The following DENND5B variants were observed in gnomAD, a reference collection of about 807,000 sequenced individuals.
DENND5B encodes DENN domain containing 5B.
In DENND5B, 34 loss-of-function variants were observed where a neutral mutation model predicts 140.6. The observed-to-expected ratio is 0.24, with a 90% CI of 0.18 to 0.32. The LOEUF (loss-of-function observed/expected upper bound fraction) is 0.32, where lower values mean the gene tolerates loss of function less well. Among genes scored for constraint, DENND5B ranks in the 10% least tolerant of loss-of-function variants. DENND5B has a pLI of 1.00. For missense variants in DENND5B, 1,142 were observed against 1,560.2 expected, an observed-to-expected ratio of 0.73 and a Z score of 4.52; for synonymous variants, 551 against 562.1, an observed-to-expected ratio of 0.98 and a Z score of 0.28.
At chr12:31,476,517 A>T (rs1945817909) in intron 3 of DENND5B, among the ~76,000 whole-genome samples, 1 of 151,916 alleles carries the variant, frequency 6.6e-6, no homozygotes, top group Non-Finnish European at 1.5e-5. Flanking sequence ...ATCCCTATAG[A>T]GATGTGGCAA....
chr12:31,519,512 T>A (rs1460272609), intron 1 of DENND5B, among the ~76,000 whole-genome samples: 2 of 152,240 alleles, frequency 1.3e-5, no homozygotes, highest in African/African-American at 4.8e-5. Flanking sequence ...TGTATCACAT[T>A]CATTTTACAT....
chr12:31,400,776 G>A (rs1272547382), intron 15 of DENND5B, among the ~76,000 whole-genome samples: 1 of 151,234 alleles, frequency 6.6e-6, no homozygotes, highest in Non-Finnish European at 1.5e-5. Context: ...TAGTCACCCT[G>A]CTGTGCTAGC....
Position 31,424,510 on chromosome 12 carries a change from C to T in DENND5B, c.2391+25G>A, listed in dbSNP as rs775618209. Reference sequence around the variant, plus strand: ...TAACAGGGCTCTTAACTGGCCATGTCACCAGGACCTCCTAAAACTGTTACC... The same window carrying T: ...TAACAGGGCTCTTAACTGGCCATGTTACCAGGACCTCCTAAAACTGTTACC... On this transcript the variant is annotated intron_variant, in intron 10 of 20. Coordinates refer to ENST00000389082, the MANE Select transcript of DENND5B (RefSeq NM_144973.4). The T allele has an allele frequency of 3.7e-6, 6 of 1,603,308 alleles. No individual in the cohort carries two copies. In the African/African-American group the frequency reaches 8.0e-5, roughly 21 times the overall value.
Position 31,538,972 on chromosome 12 carries a change from G to T in DENND5B, c.128-43053C>A, listed in dbSNP as rs77157448. 3.1e-3 allele frequency among the ~76,000 whole-genome samples: 405 copies of T among 130,986 alleles called. 3 individuals are homozygous for T. Among genetic ancestry groups the T allele is most frequent in the African/African-American group, 9.4e-3 (324 of 34,498 alleles). The allele number at this position is 130,986 out of a possible 152,430, so 85.9% of individuals were successfully genotyped here. On this transcript the variant is annotated intron_variant, in intron 1 of 20. Coordinates refer to ENST00000389082, the MANE Select transcript of DENND5B (RefSeq NM_144973.4). Reference sequence around the variant, plus strand: ...TGAAACAAAAGGTTTTTTTTTTTTTGAAAAAAAAAATTGACAAACTGCTAG... The same window carrying T: ...TGAAACAAAAGGTTTTTTTTTTTTTTAAAAAAAAAATTGACAAACTGCTAG...
intron 3 of DENND5B, chr12:31,465,749 G>C (rs1945236438): frequency 6.6e-6 from 1 of 152,210 alleles, no homozygotes; most frequent in Non-Finnish European, 1.5e-5. Context: ...TAGTTTCACA[G>C]AAATTCATCT....
chr12:31,433,478 T>C (rs1943608001), intron 7 of DENND5B, among the ~76,000 whole-genome samples: 1 of 152,196 alleles, frequency 6.6e-6, no homozygotes, highest in South Asian at 2.1e-4. Flanking sequence ...ACAATCAGAA[T>C]TTTTAAAAAC....
chr12:31,565,873 G>C (rs1949608372), intron 1 of DENND5B, among the ~76,000 whole-genome samples: 1 of 152,184 alleles, frequency 6.6e-6, no homozygotes, highest in African/African-American at 2.4e-5. Context: ...CTGGCACAGA[G>C]GTTCACACCT....
intron 16 of DENND5B, 22 bp from the exon 17 acceptor site, chr12:31,398,384 T>A: frequency 1.3e-6 from 2 of 1,516,764 alleles, no homozygotes; most frequent in Non-Finnish European, 1.8e-6. Flanking sequence ...GAAAACAAGT[T>A]TTTTATTTTT....
In DENND5B at chr12:31,402,070, CAA is replaced by C. The variant is rs147304148; in HGVS notation, c.2949+426_2949+427del. Among the ~76,000 whole-genome samples, 112 of 119,804 alleles carry C rather than the reference CAA, an allele frequency of 9.3e-4. 1 individual carries two copies. The highest frequency in any genetic ancestry group is 1.1e-3 in the African/African-American group (33 of 28,712). 78.6% of individuals were successfully genotyped at this position (119,804 alleles called of 152,430 possible). On this transcript the variant is annotated intron_variant, in intron 15 of 20. Transcript: ENST00000389082. ...TGGGCGAAAGAGCAAGATTCCGTCT[CAA>C]AAAAAAAAAAAAAAAAATCCATAAG...
chr12:31,458,084 C>CTCTATGAACAGATGA (rs1417235248), intron 4 of DENND5B, among the ~76,000 whole-genome samples: 4 of 152,174 alleles, frequency 2.6e-5, no homozygotes, highest in African/African-American at 9.7e-5. Context: ...GATGAGTATA[C>CTCTATGAACAGATGA]GTATTTATTA....
chr12:31,513,495 A>G (rs1258357991), intron 1 of DENND5B, among the ~76,000 whole-genome samples: 1 of 152,126 alleles, frequency 6.6e-6, no homozygotes. Flanking sequence ...TTATCTGATC[A>G]TTTATTTACA....
At chr12:31,421,391 G>A (rs145697519) in intron 11 of DENND5B, among the ~76,000 whole-genome samples, 1 of 152,184 alleles carries the variant, frequency 6.6e-6, no homozygotes, top group African/African-American at 2.4e-5. Context: ...AATGCAGACT[G>A]TTTATTGCCA....
intron 16 of DENND5B, 94 bp downstream of exon 16, chr12:31,399,560 T>A (rs1941688519): frequency 1.0e-6 from 1 of 992,286 alleles, no homozygotes. Context: ...ATTATAGGTG[T>A]GAGCCACTGT....
In DENND5B at chr12:31,572,420, G is replaced by A. The variant is rs191592540; in HGVS notation, c.127+18286C>T. ...TCCTCAGAAAGTCCTATTAAAAAATGTCTGAAACAAAGCAAATACTTAATT... is the reference window on the plus strand; with the variant it reads ...TCCTCAGAAAGTCCTATTAAAAAATATCTGAAACAAAGCAAATACTTAATT... On this transcript the variant is annotated intron_variant, in intron 1 of 20. Coordinates refer to ENST00000389082, the MANE Select transcript of DENND5B (RefSeq NM_144973.4). Among the ~76,000 whole-genome samples the A allele has an allele frequency of 4.1e-3, 629 of 151,662 alleles. 5 individuals are homozygous for A. Among genetic ancestry groups the A allele is most frequent in the African/African-American group, 0.014 (573 of 41,352 alleles).
chr12:31,524,892 T>C (rs566942853), intron 1 of DENND5B, among the ~76,000 whole-genome samples: 1 of 152,274 alleles, frequency 6.6e-6, no homozygotes, highest in African/African-American at 2.4e-5. Context: ...GTCCCTGTTC[T>C]CTTGCTCCCT....
intron 4 of DENND5B, among the ~76,000 whole-genome samples, chr12:31,452,866 A>G (rs981394348): frequency 5.9e-5 from 9 of 152,124 alleles, no homozygotes; most frequent in African/African-American, 2.2e-4. Flanking sequence ...TATAATCTGA[A>G]TATGATTTTC....
rs1481305121 is a variant in DENND5B, at chr12:31,389,470, A to G, written c.3495T>C (p.Thr1165=). 1.1e-5 allele frequency: 18 copies of G among 1,594,970 alleles called. No homozygotes were observed. The highest frequency in any genetic ancestry group is 1.5e-5 in the Non-Finnish European group (18 of 1,170,032). ...CATCTTCATTATCTAGAATCTGGTC[A>G]GTTGTTTCAAAATAAGCAACCACTT... ...IEKVVAYFET[T]DQILDNEDDV... Residue 1165 remains threonine (T), a synonymous_variant, in exon 20 of 21, where the codon ACT becomes ACC. Transcript: ENST00000389082.
chr12:31,590,797 C>T lies in DENND5B; in HGVS notation c.36G>A (p.Ser12=). Residue 12 remains serine (S), a synonymous_variant, in exon 1 of 21, where the codon TCG becomes TCA. Transcript: ENST00000389082. ...AGCGGCAGGCGGCCGGGGAGGAGCC[C>T]GAGCCCGGGCCGGGCGCCGCGCAGC... ...SGSCAAPGPG[S]GSSPAACRFA... is the part of the protein sequence containing the mutation. The T allele has an allele frequency of 2.3e-6, 3 of 1,323,054 alleles. No individual in the cohort carries two copies. Among genetic ancestry groups the T allele is most frequent in the Non-Finnish European group, 2.9e-6 (3 of 1,038,482 alleles). 82.0% of individuals were successfully genotyped at this position (1,323,054 alleles called of 1,614,324 possible).
intron 17 of DENND5B, among the ~76,000 whole-genome samples, chr12:31,393,098 T>C (rs369517107): frequency 5.3e-5 from 8 of 152,288 alleles, no homozygotes; most frequent in African/African-American, 1.9e-4. Flanking sequence ...GAAGCAAGGT[T>C]GAGAAGTCCC....
Sources: gnomAD v4.1 joint callset for allele counts (sites outside exome capture counted in the v4.1 genomes callset) on GRCh38, gnomAD v4.1.1 for gene constraint, MANE v1.5 for transcripts, NCBI Gene and HGNC (gene_info 2026-07-23, HGNC 2026-07-21) for gene names.